ZNF710: variants seen among roughly 807,000 people sequenced by gnomAD.
ZNF710 encodes zinc finger protein 710.
ZNF710 carries 13 observed loss-of-function variants against 50.6 expected under a neutral mutation model. The ratio of observed to expected loss-of-function variants is 0.26; its 90% confidence interval spans 0.17 to 0.41. The LOEUF (loss-of-function observed/expected upper bound fraction) is 0.41. Among genes scored for constraint, ZNF710 ranks in the 10% least tolerant of loss-of-function variants. ZNF710 has a pLI of 1.00. For missense variants in ZNF710, 721 were observed against 936.6 expected (o/e 0.77, Z 3.01); for synonymous variants, 383 against 397.0 (o/e 0.96, Z 0.42).
chr15:90,013,479 A>G (rs556472285), intron 1 of ZNF710, among the ~76,000 whole-genome samples: 46 of 152,326 alleles, frequency 3.0e-4, no homozygotes, highest in African/African-American at 1.0e-3. Flanking sequence ...GTATAGGATG[A>G]GAGTCCCTTC....
chr15:90,007,875 A>G (rs1898179128), intron 1 of ZNF710, among the ~76,000 whole-genome samples: 2 of 152,008 alleles, frequency 1.3e-5, no homozygotes, highest in African/African-American at 2.4e-5. Context: ...CATTTTCCCA[A>G]GGAAGCACCT....
chr15:90,046,318 G>A (rs1899459329), intron 1 of ZNF710, among the ~76,000 whole-genome samples: 1 of 152,210 alleles, frequency 6.6e-6, no homozygotes, highest in Non-Finnish European at 1.5e-5. Flanking sequence ...TTGCTGAAGT[G>A]TGAATTGCAT....
intron 3 of ZNF710, among the ~76,000 whole-genome samples, chr15:90,073,860 C>T (rs1373953041): frequency 1.3e-5 from 2 of 151,722 alleles, no homozygotes; most frequent in Admixed American, 6.6e-5. Context: ...CGTGGTGGCA[C>T]GTGCCTGTAG....
At chr15:90,072,984 C>A in intron 2 of ZNF710, 87 bp from the exon 3 acceptor site, 1 of 1,408,482 alleles carries the variant, frequency 7.1e-7, no homozygotes, top group South Asian at 1.3e-5. Flanking sequence ...GATGCTATGG[C>A]CCTGCCCCTA....
Position 90,068,460 on chromosome 15 carries a change from C to T in ZNF710, c.1323C>T (p.Asp441=), listed in dbSNP as rs370270044. The T allele has an allele frequency of 6.2e-7, 1 of 1,614,028 alleles. No individual in the cohort carries two copies. The highest frequency in any genetic ancestry group is 1.3e-5 in the African/African-American group (1 of 74,956). ...GPTLYQCLEC[D]KSFHYRSQLQ... Reference sequence around the variant, plus strand: ...CCCTCTACCAGTGCCTCGAGTGTGACAAGTCCTTCCACTACCGCAGCCAGT... The same window carrying T: ...CCCTCTACCAGTGCCTCGAGTGTGATAAGTCCTTCCACTACCGCAGCCAGT... The change falls in exon 2 of 5, where the codon GAC becomes GAT. Residue 441 remains aspartate, a synonymous_variant. Coordinates refer to ENST00000268154, the MANE Select transcript of ZNF710 (RefSeq NM_198526.4). The surrounding 1 kb of genome is among the most constrained non-coding windows in gnomAD (Gnocchi z 5.0).
intron 1 of ZNF710, among the ~76,000 whole-genome samples, chr15:90,060,626 G>A (rs1377493656): frequency 6.6e-6 from 1 of 152,114 alleles, no homozygotes; most frequent in Non-Finnish European, 1.5e-5. Context: ...GGACGAGGCA[G>A]GTGGATCACC....
intron 1 of ZNF710, among the ~76,000 whole-genome samples, chr15:90,037,819 G>A (rs1038142051): frequency 1.3e-5 from 2 of 152,204 alleles, no homozygotes; most frequent in African/African-American, 2.4e-5. Context: ...TCTGGATCTC[G>A]AGGGAGCAGT....
At chr15:90,008,995 A>G (rs80326401) in intron 1 of ZNF710, among the ~76,000 whole-genome samples, 49 of 152,224 alleles carry the variant, frequency 3.2e-4, no homozygotes, top group African/African-American at 1.1e-3. Flanking sequence ...CATGTTATAT[A>G]TATGGAATCG....
At position 90,040,727 on chromosome 15, in the gene ZNF710, C is replaced by T. The variant is rs1899271236; in HGVS notation, c.-28-26383C>T. ...ACCTCGCTCCCCAACTCCAGCCCTC[C>T]AGCCAGTTAACCATTTGCAAACTGC... On this transcript the variant is annotated intron_variant, in intron 1 of 4. Transcript: ENST00000268154. The surrounding 1 kb of genome is among the most constrained non-coding windows in gnomAD (Gnocchi z 4.6). Among the ~76,000 whole-genome samples the T allele has an allele frequency of 6.6e-6, 1 of 152,238 alleles. No homozygotes were observed. The highest frequency in any genetic ancestry group is 1.5e-5 in the Non-Finnish European group (1 of 68,032).
rs771183478 is a variant in ZNF710 at position 90,068,000 on chromosome 15, C to T, written c.863C>T (p.Ala288Val). The T allele has an allele frequency of 5.6e-6, 9 of 1,614,064 alleles. No individual in the cohort carries two copies. The East Asian group carries it at 8.9e-5, about 16-fold the overall frequency. The change falls in exon 2 of 5, where the codon GCG (alanine) becomes GTG (valine). Residue 288 changes from alanine to valine, a missense_variant. Physicochemically the swap from Ala to Val is moderately conservative, Grantham distance 64. This residue lies in a region of ZNF710 where 326 missense variants were observed against 522.0 expected (regional missense o/e 0.62). Coordinates refer to ENST00000268154, the MANE Select transcript of ZNF710 (RefSeq NM_198526.4). This position sits in a 1 kb window ranked among gnomAD's most constrained non-coding sequence, Gnocchi z 8.1. The stretch of plus-strand genomic sequence containing the variant: ...ATTGACGACTCCTATCTGGTGGAGG[C>T]GGGCGACCGCCAGAAGCGCTGGCAG... The part of the protein sequence containing the change: ...VQIDDSYLVE[A>V]GDRQKRWQCR...
rs368826866 is a variant in ZNF710, at chr15:90,067,812, C to G, written c.675C>G (p.Pro225=). 1.6e-4 allele frequency: 260 copies of G among 1,583,334 alleles called. No homozygotes were observed. Among genetic ancestry groups the G allele is most frequent in the Non-Finnish European group, 2.2e-4 (251 of 1,164,730 alleles). Residue 225 remains proline (P), a synonymous_variant, in exon 2 of 5, where the codon CCC becomes CCG. Coordinates refer to ENST00000268154, the MANE Select transcript of ZNF710 (RefSeq NM_198526.4). The surrounding 1 kb of genome is among the most constrained non-coding windows in gnomAD (Gnocchi z 8.1). ...ECGFEPPHLA[P]LSDPEAPSME... The stretch of plus-strand genomic sequence containing the variant: ...GGTTCGAGCCACCCCACCTGGCCCC[C>G]CTGAGTGACCCCGAGGCCCCCAGCA...
intron 1 of ZNF710, among the ~76,000 whole-genome samples, chr15:90,015,851 TC>T (rs1898440457): frequency 3.3e-5 from 5 of 151,596 alleles, no homozygotes; most frequent in Admixed American, 3.3e-4. Context: ...ACTCAAGCAA[TC>T]CCCCCTTCAG....
At chr15:90,028,446 T>C (rs1396500926) in intron 1 of ZNF710, among the ~76,000 whole-genome samples, 1 of 152,196 alleles carries the variant, frequency 6.6e-6, no homozygotes, top group South Asian at 2.1e-4. Flanking sequence ...GACCTGCTGA[T>C]ATGTAAGAGA....
At chr15:90,057,358 A>AC (rs1208241193) in intron 1 of ZNF710, among the ~76,000 whole-genome samples, 3 of 151,866 alleles carry the variant, frequency 2.0e-5, no homozygotes, top group Non-Finnish European at 4.4e-5. Flanking sequence ...CACTTGATTC[A>AC]CCAGGCAAGG....
upstream of ZNF710, among the ~76,000 whole-genome samples, chr15:89,999,627 C>T (rs1184442089): frequency 2.0e-5 from 3 of 151,966 alleles, no homozygotes. Context: ...TTCTGAGTGA[C>T]TGGAGTCATA....
At chr15:90,018,548 T>A (rs2151471900) in intron 1 of ZNF710, among the ~76,000 whole-genome samples, 1 of 152,308 alleles carries the variant, frequency 6.6e-6, no homozygotes, top group Admixed American at 6.5e-5. Context: ...AACTGGCCTT[T>A]TTTCGCCTCC....
chr15:90,041,892 A>ATT (rs71151548), intron 1 of ZNF710, among the ~76,000 whole-genome samples: 3,444 of 110,452 alleles, frequency 0.031, 77 homozygotes, highest in Non-Finnish European at 0.048. Flanking sequence ...TTTGTTTTTG[A>ATT]TTTTTTTTTT....
At chr15:90,014,079 TA>T (rs754218138) in intron 1 of ZNF710, among the ~76,000 whole-genome samples, 9,814 of 140,076 alleles carry the variant, frequency 0.07, 469 homozygotes, top group African/African-American at 0.14. Flanking sequence ...TGAATAGTAA[TA>T]AAAAAAAAAA....
Position 90,080,157 on chromosome 15 carries a change from G to A in ZNF710, c.*328G>A, listed in dbSNP as rs554816721. ...ACAGGTCACAAGGGCACCGGCCCTC[G>A]GGGTCTCTCCAGGCCCAGCAGAGCT... is the stretch of plus-strand genomic sequence containing the variant. On this transcript the variant is annotated 3_prime_UTR_variant, in exon 5 of 5. Transcript: ENST00000268154. 3.4e-5 allele frequency: 8 copies of A among 238,550 alleles called. No homozygotes were observed. The highest frequency in any genetic ancestry group is 1.2e-4 in the African/African-American group (5 of 43,290). The allele number at this position is 238,550 out of a possible 1,614,324, so 14.8% of individuals were successfully genotyped here. A position where few individuals can be genotyped will look rare whatever the true frequency, so the allele number is the denominator to read the frequency against.
Sources: gnomAD v4.1 joint callset for allele counts (sites outside exome capture counted in the v4.1 genomes callset) on GRCh38, gnomAD v4.1.1 for gene constraint, gnomAD v4.1.1 regional missense constraint, Gnocchi (gnomAD v3.1) non-coding constraint, MANE v1.5 for transcripts, NCBI Gene and HGNC (gene_info 2026-07-23, HGNC 2026-07-21) for gene names.